PIK3C2G: variants seen among roughly 807,000 people sequenced by gnomAD.
PIK3C2G encodes phosphatidylinositol 3-kinase C2 domain-containing subunit gamma.
In PIK3C2G, 168 loss-of-function variants were observed where a neutral mutation model predicts 181.1. The observed-to-expected ratio is 0.93, with a 90% CI of 0.82 to 1.05. PIK3C2G has a LOEUF of 1.05. Ranked by LOEUF, PIK3C2G falls within the 50% of genes least tolerant of loss-of-function variation. PIK3C2G has a pLI of 0.00. For synonymous variants in PIK3C2G, 573 were observed against 592.2 expected (o/e 0.97, Z 0.47); for missense variants, 1,869 against 1,732.8 (o/e 1.08, Z -1.40).
At chr12:18,691,997 C>T in the PIK3C2G span, among the ~76,000 whole-genome samples, 1 of 152,206 alleles carries the variant, frequency 6.6e-6, no homozygotes, top group East Asian at 1.9e-4. Flanking sequence ...CTGAAGTAGA[C>T]GTGGAGTGTA....
At chr12:18,443,876 T>C (rs981644772) in intron 18 of PIK3C2G, among the ~76,000 whole-genome samples, 8 of 152,262 alleles carry the variant, frequency 5.3e-5, no homozygotes, top group African/African-American at 9.6e-5. Context: ...CATCTTAGAG[T>C]GTAACGACCC....
intron 13 of PIK3C2G, among the ~76,000 whole-genome samples, chr12:18,378,507 A>T (rs1007238398): frequency 1.3e-5 from 2 of 152,238 alleles, no homozygotes; most frequent in African/African-American, 2.4e-5. Flanking sequence ...AAAAGCCAAA[A>T]TTGACAAATG....
chr12:18,259,983 A>G (rs1395951791), upstream of PIK3C2G, among the ~76,000 whole-genome samples: 2 of 152,166 alleles, frequency 1.3e-5, no homozygotes, highest in African/African-American at 4.8e-5. Context: ...GTAAGCGTAC[A>G]TGTTAAGCAA....
chr12:18,489,155 C>G (rs1940332286), intron 19 of PIK3C2G, among the ~76,000 whole-genome samples: 1 of 152,044 alleles, frequency 6.6e-6, no homozygotes, highest in Admixed American at 6.6e-5. Context: ...TATTATTTTT[C>G]TTGGAAGAAT....
At chr12:18,592,744 C>T (rs1394895735) in intron 29 of PIK3C2G, among the ~76,000 whole-genome samples, 1 of 151,820 alleles carries the variant, frequency 6.6e-6, no homozygotes, top group African/African-American at 2.4e-5. Context: ...TTAAAATTGA[C>T]AGAATTGACC....
the PIK3C2G span, chr12:18,695,104 T>C: frequency 6.2e-7 from 1 of 1,600,722 alleles, no homozygotes; most frequent in Non-Finnish European, 8.6e-7. Flanking sequence ...TATTTTGACA[T>C]TGTCAGGTAA....
chr12:18,255,711 A>G (rs1220100546), intron 1 of PIK3C2G, among the ~76,000 whole-genome samples: 1 of 152,220 alleles, frequency 6.6e-6, no homozygotes, highest in East Asian at 1.9e-4. Flanking sequence ...AAAGGCTTGA[A>G]AAGATGGCCT....
chr12:18,601,930 A>G (rs1287340224), intron 30 of PIK3C2G, among the ~76,000 whole-genome samples: 1 of 152,104 alleles, frequency 6.6e-6, no homozygotes, highest in Non-Finnish European at 1.5e-5. Flanking sequence ...GCCTGGCACC[A>G]CAGGGATCCA....
At chr12:18,303,714 A>C (rs940663956) in intron 5 of PIK3C2G, among the ~76,000 whole-genome samples, 2 of 152,190 alleles carry the variant, frequency 1.3e-5, no homozygotes, top group African/African-American at 4.8e-5. Context: ...TCTATGTAAA[A>C]CAATAAAATT....
At chr12:18,463,357 T>C (rs914630588) in intron 18 of PIK3C2G, among the ~76,000 whole-genome samples, 1 of 152,134 alleles carries the variant, frequency 6.6e-6, no homozygotes, top group East Asian at 1.9e-4. Context: ...TGACAATGAG[T>C]AGCTCAGCAG....
chr12:18,468,711 T>C (rs567118780), intron 18 of PIK3C2G, among the ~76,000 whole-genome samples: 1 of 152,190 alleles, frequency 6.6e-6, no homozygotes, highest in South Asian at 2.1e-4. Flanking sequence ...AAAAAATAAT[T>C]TCCAGCCATT....
chr12:18,700,079 C>T, the PIK3C2G span: 8 of 749,024 alleles, frequency 1.1e-5, no homozygotes, highest in Non-Finnish European at 1.8e-5. Flanking sequence ...CCTCAAACAC[C>T]ATTTGATTAA....
chr12:18,723,165 AT>A, the PIK3C2G span: 7 of 672,908 alleles, frequency 1.0e-5, no homozygotes, highest in African/African-American at 1.3e-4. Context: ...TATAAAATAT[AT>A]TTTCTCAAAG....
chr12:18,537,564 T>C (rs1308247471), intron 24 of PIK3C2G, among the ~76,000 whole-genome samples: 1 of 152,070 alleles, frequency 6.6e-6, no homozygotes, highest in East Asian at 1.9e-4. Flanking sequence ...CAGTATTACT[T>C]ACATAATGAT....
At chr12:18,533,926 A>C (rs1178911411) in intron 24 of PIK3C2G, among the ~76,000 whole-genome samples, 2 of 147,066 alleles carry the variant, frequency 1.4e-5, no homozygotes, top group African/African-American at 5.0e-5. Flanking sequence ...CAAACTATTA[A>C]TTGTCCTGCT....
At chr12:18,367,586 C>T (rs1328884392) in intron 12 of PIK3C2G, among the ~76,000 whole-genome samples, 2 of 151,922 alleles carry the variant, frequency 1.3e-5, no homozygotes, top group African/African-American at 4.8e-5. Flanking sequence ...TGGAGTTTCA[C>T]TCTTGTTGCC....
At chr12:18,516,490 TG>T (rs1162155406) in intron 24 of PIK3C2G, among the ~76,000 whole-genome samples, 11 of 152,110 alleles carry the variant, frequency 7.2e-5, no homozygotes, top group Admixed American at 1.3e-4. Context: ...TGGTGACCTC[TG>T]GGCTTCCTCT....
At chr12:18,329,100 A>C (rs1951478489) in intron 8 of PIK3C2G, among the ~76,000 whole-genome samples, 1 of 151,992 alleles carries the variant, frequency 6.6e-6, no homozygotes. Flanking sequence ...TATCATGTAT[A>C]GAACACTCTC....
At chr12:18,631,746 G>A (rs1026882280) in intron 31 of PIK3C2G, among the ~76,000 whole-genome samples, 1 of 152,080 alleles carries the variant, frequency 6.6e-6, no homozygotes, top group Non-Finnish European at 1.5e-5. Context: ...AAGGATGAGG[G>A]GGGCACCAGG....
Sources: allele counts gnomAD v4.1 joint callset (sites outside exome capture counted in the v4.1 genomes callset), GRCh38; gene constraint gnomAD v4.1.1; transcripts MANE v1.5; gene names NCBI Gene and HGNC (gene_info 2026-07-23, HGNC 2026-07-21).